TRIM44: variants seen among roughly 807,000 people sequenced by gnomAD.
The protein encoded by TRIM44 is tripartite motif containing 44, also known as tripartite motif-containing protein 44.
In TRIM44, 13 loss-of-function variants were observed where a neutral mutation model predicts 37.4. That is an observed-to-expected ratio of 0.35 (90% CI 0.23 to 0.55). TRIM44 has a LOEUF of 0.55. Ranked by LOEUF, TRIM44 falls within the 20% of genes least tolerant of loss-of-function variation. TRIM44 has a pLI of 0.89. For missense variants in TRIM44, 426 were observed against 437.2 expected (o/e 0.97, Z 0.23); for synonymous variants, 175 against 157.2 (o/e 1.11, Z -0.85).
intron 2 of TRIM44, among the ~76,000 whole-genome samples, chr11:35,702,690 A>G (rs577014874): frequency 1.3e-5 from 2 of 152,364 alleles, no homozygotes; most frequent in South Asian, 2.1e-4. Flanking sequence ...TTTCATTCAC[A>G]GTTTCTTGAA....
intron 1 of TRIM44, among the ~76,000 whole-genome samples, chr11:35,678,030 G>A (rs1439031182): frequency 6.6e-6 from 1 of 152,180 alleles, no homozygotes; most frequent in Non-Finnish European, 1.5e-5. Context: ...CCCTGAGATA[G>A]AACAAGTTTA....
chr11:35,745,424 C>T (rs953244042), intron 4 of TRIM44, among the ~76,000 whole-genome samples: 2 of 151,952 alleles, frequency 1.3e-5, no homozygotes, highest in Non-Finnish European at 2.9e-5. Flanking sequence ...AGGCCTTTGT[C>T]AGATGGATAG....
intron 1 of TRIM44, among the ~76,000 whole-genome samples, chr11:35,683,034 G>A (rs1211917377): frequency 6.6e-6 from 1 of 152,106 alleles, no homozygotes; most frequent in East Asian, 1.9e-4. Flanking sequence ...TGCTTGTTCA[G>A]CCAATGAGAA....
intron 2 of TRIM44, among the ~76,000 whole-genome samples, chr11:35,707,457 T>G (rs1851901794): frequency 1.3e-5 from 2 of 152,110 alleles, no homozygotes; most frequent in African/African-American, 2.4e-5. Flanking sequence ...CATCACCAAG[T>G]CAATTGTAAG....
chr11:35,786,588 C>T (rs140738337), intron 4 of TRIM44, among the ~76,000 whole-genome samples: 1 of 152,164 alleles, frequency 6.6e-6, no homozygotes, highest in African/African-American at 2.4e-5. Flanking sequence ...CAGCCAGTCA[C>T]TCCTGAGATC....
intron 1 of TRIM44, among the ~76,000 whole-genome samples, chr11:35,680,502 A>G (rs982989394): frequency 6.6e-6 from 1 of 151,840 alleles, no homozygotes; most frequent in African/African-American, 2.4e-5. Flanking sequence ...CATACAACCT[A>G]CCTCATTCTT....
chr11:35,793,092 G>A lies in TRIM44; in HGVS notation c.1008-13266G>A, dbSNP rs116272608. Reference sequence around the variant, plus strand: ...TGCTGGAGCCCACAAGAACCAAGATGAGAATCTGAGGGAAATGGCCACTTT... The same window carrying A: ...TGCTGGAGCCCACAAGAACCAAGATAAGAATCTGAGGGAAATGGCCACTTT... On this transcript the variant is annotated intron_variant, in intron 4 of 4. Coordinates refer to ENST00000299413, the MANE Select transcript of TRIM44 (RefSeq NM_017583.6). Among the ~76,000 whole-genome samples, 254 of 150,972 alleles carry A rather than the reference G, an allele frequency of 1.7e-3. 1 individual carries two copies. The highest frequency in any genetic ancestry group is 5.9e-3 in the African/African-American group (243 of 41,108).
chr11:35,770,935 C>T (rs957924129), intron 4 of TRIM44, among the ~76,000 whole-genome samples: 5 of 152,150 alleles, frequency 3.3e-5, no homozygotes, highest in East Asian at 1.9e-4. Flanking sequence ...CCATGTGGAA[C>T]GCTAAGCCCA....
intron 2 of TRIM44, among the ~76,000 whole-genome samples, chr11:35,717,711 T>C (rs1004925284): frequency 6.6e-6 from 1 of 152,144 alleles, no homozygotes; most frequent in Non-Finnish European, 1.5e-5. Context: ...ATTAGACCAC[T>C]GGTAAGCAAT....
Position 35,815,628 on chromosome 11 carries a change from C to T in TRIM44, c.*9243C>T, listed in dbSNP as rs1291120488. 2 of 152,192 alleles carry T rather than the reference C, an allele frequency of 1.3e-5. No homozygotes were observed. The highest frequency in any genetic ancestry group is 2.9e-5 in the Non-Finnish European group (2 of 68,028). The allele number at this position is 152,192 out of a possible 1,614,324, so 9.4% of individuals were successfully genotyped here. On this transcript the variant is annotated 3_prime_UTR_variant, in exon 5 of 5. Transcript: ENST00000299413. ...GGCATTCCTCTGAGAGTATACCTAG[C>T]CCACTTGTGGCCAAATTATACTTGA...
At chr11:35,745,230 G>A (rs1360040850) in intron 4 of TRIM44, among the ~76,000 whole-genome samples, 1 of 152,138 alleles carries the variant, frequency 6.6e-6, no homozygotes, top group Admixed American at 6.5e-5. Flanking sequence ...TATTCTGACT[G>A]GTGTGAGATG....
intron 4 of TRIM44, among the ~76,000 whole-genome samples, chr11:35,798,605 GGAAAT>G (rs879257114): frequency 1.3e-5 from 2 of 152,040 alleles, no homozygotes; most frequent in Non-Finnish European, 2.9e-5. Flanking sequence ...ATTTTTCTTT[GGAAAT>G]AACTAAGGAT....
chr11:35,663,458 AGAGT>A lies in TRIM44; in HGVS notation c.351_354del (p.Ser117ArgfsTer50). ...GAGGAAGAGAGCGAGACAGAGGAAG[AGAGT>A]GAGGATGAGAGCGATGAGGAGAGTG... On this transcript the variant is annotated frameshift_variant, in exon 1 of 5. Transcript: ENST00000299413. LOFTEE classifies it high-confidence loss of function. 2 of 1,565,778 alleles carry A rather than the reference AGAGT, an allele frequency of 1.3e-6. No individual in the cohort carries two copies. Among genetic ancestry groups the A allele is most frequent in the Non-Finnish European group, 1.7e-6 (2 of 1,154,722 alleles).
chr11:35,784,007 A>C (rs1590598632), intron 4 of TRIM44, among the ~76,000 whole-genome samples: 1 of 152,190 alleles, frequency 6.6e-6, no homozygotes, highest in East Asian at 1.9e-4. Context: ...CGTGGCCTTC[A>C]ATGTTGAGGG....
intron 4 of TRIM44, among the ~76,000 whole-genome samples, chr11:35,800,654 T>G (rs908834624): frequency 6.6e-6 from 1 of 152,188 alleles, no homozygotes; most frequent in Admixed American, 6.5e-5. Context: ...ACCCAGTATT[T>G]GGGCCCAGCC....
In TRIM44 at chr11:35,813,785, A is replaced by G. The variant is rs1238094877; in HGVS notation, c.*7400A>G. The G allele has an allele frequency of 6.6e-6, 1 of 152,096 alleles. No homozygotes were observed. Among genetic ancestry groups the G allele is most frequent in the Non-Finnish European group, 1.5e-5 (1 of 68,018 alleles). 9.4% of individuals were successfully genotyped at this position (152,096 alleles called of 1,614,324 possible). A position where few individuals can be genotyped will look rare whatever the true frequency, so the allele number is the denominator to read the frequency against. ...TACATCCCAATGGTTAAAAAAAAAA[A>G]CTTTTAGGAATTAAAAGGAATAAAC... is the stretch of plus-strand genomic sequence containing the variant. On this transcript the variant is annotated 3_prime_UTR_variant, in exon 5 of 5. Coordinates refer to ENST00000299413, the MANE Select transcript of TRIM44 (RefSeq NM_017583.6).
chr11:35,784,030 C>A (rs899687085), intron 4 of TRIM44, among the ~76,000 whole-genome samples: 8 of 152,174 alleles, frequency 5.3e-5, no homozygotes, highest in African/African-American at 1.9e-4. Flanking sequence ...AACAGTGAGA[C>A]AGAGGCCTAC....
At chr11:35,719,115 T>C (rs753746441) in intron 2 of TRIM44, among the ~76,000 whole-genome samples, 8 of 152,198 alleles carry the variant, frequency 5.3e-5, no homozygotes, top group South Asian at 2.1e-4. Flanking sequence ...GCATGATTGC[T>C]AGGTTCTATG....
intron 4 of TRIM44, among the ~76,000 whole-genome samples, chr11:35,743,628 C>T (rs1852443237): frequency 6.6e-6 from 1 of 152,196 alleles, no homozygotes; most frequent in African/African-American, 2.4e-5. Flanking sequence ...CTGCCTTCCT[C>T]TAATTTATTC....
Sources: gnomAD v4.1 joint callset for allele counts (sites outside exome capture counted in the v4.1 genomes callset) on GRCh38, gnomAD v4.1.1 for gene constraint, MANE v1.5 for transcripts, NCBI Gene and HGNC (gene_info 2026-07-23, HGNC 2026-07-21) for gene names.